Variants in TAFA2 observed in about 807,000 individuals in gnomAD.
TAFA2 encodes TAFA chemokine like family member 2.
TAFA2 carries 7 observed loss-of-function variants against 18.8 expected under a neutral mutation model. The observed-to-expected ratio is 0.37, with a 90% CI of 0.21 to 0.70. TAFA2 has a LOEUF of 0.70. Among genes scored for constraint, TAFA2 ranks in the 30% least tolerant of loss-of-function variants. The probability of loss-of-function intolerance (pLI) is 0.53; values close to 1 mark genes in which losing one functional copy is unlikely to be tolerated. For missense variants in TAFA2, 122 were observed against 158.1 expected (o/e 0.77, Z 1.23); for synonymous variants, 60 against 54.2 (o/e 1.11, Z -0.47).
chr12:61,835,623 C>T (rs945186379), intron 2 of TAFA2, among the ~76,000 whole-genome samples: 2 of 151,916 alleles, frequency 1.3e-5, no homozygotes, highest in African/African-American at 4.8e-5. Context: ...TTTACTATTA[C>T]AAATCGATTG....
chr12:62,007,342 A>AT (rs1880588175), intron 1 of TAFA2, among the ~76,000 whole-genome samples: 1 of 151,994 alleles, frequency 6.6e-6, no homozygotes, highest in South Asian at 2.1e-4. Flanking sequence ...TGATCTTCAT[A>AT]ATATATATTA....
At chr12:62,138,984 T>C (rs891102640) in intron 1 of TAFA2, among the ~76,000 whole-genome samples, 2 of 152,104 alleles carry the variant, frequency 1.3e-5, no homozygotes, top group African/African-American at 4.8e-5. Context: ...AAAAACAGTT[T>C]CCTTCCTTTT....
chr12:62,034,491 T>A (rs1014832702), intron 1 of TAFA2, among the ~76,000 whole-genome samples: 3 of 152,232 alleles, frequency 2.0e-5, no homozygotes, highest in African/African-American at 7.2e-5. Context: ...AATAGATTAA[T>A]CGTTTTAATA....
At chr12:61,781,336 A>G (rs752663996) in intron 2 of TAFA2, among the ~76,000 whole-genome samples, 3 of 151,690 alleles carry the variant, frequency 2.0e-5, no homozygotes, top group Non-Finnish European at 4.4e-5. Context: ...TGCCTCATCT[A>G]CCTCCAACTG....
At chr12:61,909,593 AG>A (rs1301373182) in intron 1 of TAFA2, among the ~76,000 whole-genome samples, 1 of 152,194 alleles carries the variant, frequency 6.6e-6, no homozygotes, top group Non-Finnish European at 1.5e-5. Context: ...TGTAAGGATA[AG>A]GCAGCCAGTA....
At chr12:61,911,044 A>G (rs1340937461) in intron 1 of TAFA2, among the ~76,000 whole-genome samples, 2 of 152,156 alleles carry the variant, frequency 1.3e-5, no homozygotes, top group Non-Finnish European at 2.9e-5. Flanking sequence ...GATGTTCACG[A>G]AGGTTGTGTT....
At chr12:62,151,030 T>C (rs73129962) in intron 1 of TAFA2, among the ~76,000 whole-genome samples, 22,444 of 151,970 alleles carry the variant, frequency 0.15, 1,854 homozygotes, top group African/African-American at 0.18. Context: ...TAAATCCACA[T>C]GAACTTTCTT....
intron 1 of TAFA2, among the ~76,000 whole-genome samples, chr12:62,062,096 C>A (rs1882364392): frequency 6.6e-6 from 1 of 152,090 alleles, no homozygotes; most frequent in African/African-American, 2.4e-5. Context: ...ATTGCTTGAG[C>A]CTGAGAGACA....
At chr12:62,005,090 T>C (rs1412992050) in intron 1 of TAFA2, among the ~76,000 whole-genome samples, 1 of 152,010 alleles carries the variant, frequency 6.6e-6, no homozygotes, top group Non-Finnish European at 1.5e-5. Flanking sequence ...TGTAGGATGA[T>C]TAAATATAGA....
At chr12:61,994,458 T>A (rs998185181) in intron 1 of TAFA2, among the ~76,000 whole-genome samples, 1 of 152,202 alleles carries the variant, frequency 6.6e-6, no homozygotes, top group Non-Finnish European at 1.5e-5. Context: ...GTAATTCTCA[T>A]TAACATTCAA....
chr12:62,017,899 A>G (rs1344044051), intron 1 of TAFA2, among the ~76,000 whole-genome samples: 2 of 152,210 alleles, frequency 1.3e-5, no homozygotes, highest in South Asian at 2.1e-4. Flanking sequence ...TGTTATAATT[A>G]TCAGAATGAG....
intron 2 of TAFA2, among the ~76,000 whole-genome samples, chr12:61,838,969 A>G (rs1203048781): frequency 2.6e-5 from 4 of 152,126 alleles, no homozygotes. Flanking sequence ...CAATAGTGCC[A>G]AGGTTGAGAA....
chr12:61,969,408 C>G (rs1048585158), intron 1 of TAFA2, among the ~76,000 whole-genome samples: 1 of 151,572 alleles, frequency 6.6e-6, no homozygotes, highest in South Asian at 2.1e-4. Context: ...TAAAAAGAAT[C>G]CTGACTCGGT....
intron 1 of TAFA2, among the ~76,000 whole-genome samples, chr12:62,100,359 C>T (rs530309791): frequency 1.1e-3 from 167 of 152,234 alleles, no homozygotes; most frequent in African/African-American, 3.9e-3. Flanking sequence ...CTCCTAGTAA[C>T]ATTTACATCC....
intron 1 of TAFA2, among the ~76,000 whole-genome samples, chr12:62,137,287 AT>A (rs1377609988): frequency 6.6e-6 from 1 of 152,180 alleles, no homozygotes; most frequent in African/African-American, 2.4e-5. Flanking sequence ...AAGGAAAGTA[AT>A]ATTTATGAAG....
chr12:61,880,500 A>T, intron 1 of TAFA2: 1 of 530,080 alleles, frequency 1.9e-6, no homozygotes. Context: ...ACCTACAAGA[A>T]GCTGCTGGAG....
intron 2 of TAFA2, among the ~76,000 whole-genome samples, chr12:61,780,775 T>C (rs1030586559): frequency 6.6e-6 from 1 of 151,770 alleles, no homozygotes; most frequent in South Asian, 2.1e-4. Flanking sequence ...CTGTTCTTTA[T>C]GTCACCAGAG....
At chr12:62,147,318 G>GTA (rs1440215054) in intron 1 of TAFA2, among the ~76,000 whole-genome samples, 2 of 87,612 alleles carry the variant, frequency 2.3e-5, no homozygotes, top group Non-Finnish European at 2.3e-5. Flanking sequence ...GTGTGTGTGT[G>GTA]TATGTATGTA....
At chr12:62,108,386 A>G (rs568629446) in intron 1 of TAFA2, among the ~76,000 whole-genome samples, 2 of 152,138 alleles carry the variant, frequency 1.3e-5, no homozygotes, top group South Asian at 2.1e-4. Flanking sequence ...CAGTTTATCC[A>G]GTTTAATGAG....
Sources: allele counts gnomAD v4.1 joint callset (sites outside exome capture counted in the v4.1 genomes callset), GRCh38; gene constraint gnomAD v4.1.1; transcripts MANE v1.5; gene names NCBI Gene and HGNC (gene_info 2026-07-23, HGNC 2026-07-21).